The following MAGI1 variants were observed in gnomAD, a reference collection of about 807,000 sequenced individuals.
The protein encoded by MAGI1 is membrane-associated guanylate kinase, WW and PDZ domain-containing protein 1.
In MAGI1, 58 loss-of-function variants were observed where a neutral mutation model predicts 139.9. The ratio of observed to expected loss-of-function variants is 0.41; its 90% CI spans 0.34 to 0.52. The LOEUF (loss-of-function observed/expected upper bound fraction) is 0.52. Among genes scored for constraint, MAGI1 ranks in the 20% least tolerant of loss-of-function variants. The probability of loss-of-function intolerance (pLI) is 0.12; values close to 1 mark genes in which losing one functional copy is unlikely to be tolerated. For missense variants in MAGI1, 1,874 were observed against 1,901.6 expected (o/e 0.99, Z 0.27); for synonymous variants, 812 against 737.9 (o/e 1.10, Z -1.63).
intron 5 of MAGI1, among the ~76,000 whole-genome samples, chr3:65,462,685 T>C (rs149450490): frequency 1.3e-5 from 2 of 152,204 alleles, no homozygotes; most frequent in African/African-American, 4.8e-5. Context: ...GGGGATAGCA[T>C]TGAATCTATA....
At chr3:65,912,186 G>A (rs1360004312) in intron 1 of MAGI1, among the ~76,000 whole-genome samples, 20 of 137,300 alleles carry the variant, frequency 1.5e-4, no homozygotes, top group Admixed American at 1.4e-3. Context: ...AAGTTTAAAT[G>A]AAACAATGCA....
chr3:65,415,311 A>C (rs2107230507), intron 12 of MAGI1, among the ~76,000 whole-genome samples: 1 of 152,270 alleles, frequency 6.6e-6, no homozygotes, highest in East Asian at 1.9e-4. Context: ...TTTTCTCTTA[A>C]GCTCCATTCA....
intron 1 of MAGI1, among the ~76,000 whole-genome samples, chr3:65,786,219 G>A (rs372886979): frequency 6.7e-6 from 1 of 148,452 alleles, no homozygotes; most frequent in Admixed American, 6.7e-5. Flanking sequence ...TCCTCCCAAA[G>A]TGCTGGGATT....
At chr3:65,389,347 C>G (rs1943709740) in intron 14 of MAGI1, among the ~76,000 whole-genome samples, 1 of 152,148 alleles carries the variant, frequency 6.6e-6, no homozygotes, top group Non-Finnish European at 1.5e-5. Context: ...GGATGTTTTA[C>G]AATTGTCCTG....
chr3:65,707,297 T>G (rs1273693752), intron 1 of MAGI1, among the ~76,000 whole-genome samples: 1 of 152,166 alleles, frequency 6.6e-6, no homozygotes, highest in East Asian at 1.9e-4. Flanking sequence ...TAGAAGCACT[T>G]TGTCAAGAAT....
chr3:65,424,487 C>T (rs1014623725), intron 12 of MAGI1, among the ~76,000 whole-genome samples: 9 of 152,108 alleles, frequency 5.9e-5, no homozygotes, highest in Non-Finnish European at 1.2e-4. Context: ...AATTATTTAG[C>T]GGCCTGACCA....
intron 2 of MAGI1, among the ~76,000 whole-genome samples, chr3:65,592,755 T>C (rs907879709): frequency 2.0e-5 from 3 of 152,212 alleles, no homozygotes; most frequent in African/African-American, 4.8e-5. Flanking sequence ...GCTGCATTTT[T>C]CCATTGTGCT....
At chr3:66,001,085 T>C (rs868302510) in intron 1 of MAGI1, among the ~76,000 whole-genome samples, 1 of 152,162 alleles carries the variant, frequency 6.6e-6, no homozygotes, top group Admixed American at 6.5e-5. Flanking sequence ...GAAAGGTCTT[T>C]AGAAAATAAT....
chr3:65,845,308 G>A (rs77864505), intron 1 of MAGI1, among the ~76,000 whole-genome samples: 1 of 151,942 alleles, frequency 6.6e-6, no homozygotes, highest in African/African-American at 2.4e-5. Context: ...AGCAATCCTT[G>A]GGCACATAGA....
chr3:65,382,863 G>A (rs1943164201), intron 15 of MAGI1, among the ~76,000 whole-genome samples: 1 of 152,176 alleles, frequency 6.6e-6, no homozygotes. Context: ...GAGAATGTAT[G>A]TTAAGAGCCT....
chr3:65,470,268 A>G lies in MAGI1; in HGVS notation c.959+15T>C. The stretch of plus-strand genomic sequence containing the variant: ...AAGAGAGAGAGATTTAGGTAGAAAT[A>G]ATGGTATACTTTACTCTATAAAATA... On this transcript the variant is annotated intron_variant, in intron 5 of 22. Coordinates refer to ENST00000402939, the MANE Select transcript of MAGI1 (RefSeq NM_001033057.2). 1 of 1,546,576 alleles carries G rather than the reference A, an allele frequency of 6.5e-7. No homozygotes were observed. The highest frequency in any genetic ancestry group is 8.9e-7 in the Non-Finnish European group (1 of 1,120,282).
chr3:65,474,062 T>G (rs557778065), intron 4 of MAGI1, among the ~76,000 whole-genome samples: 1 of 152,168 alleles, frequency 6.6e-6, no homozygotes, highest in Non-Finnish European at 1.5e-5. Flanking sequence ...GCCCAGGAGT[T>G]AGACACCAGT....
chr3:65,779,617 C>CA (rs1474667374), intron 1 of MAGI1, among the ~76,000 whole-genome samples: 2 of 152,224 alleles, frequency 1.3e-5, no homozygotes, highest in African/African-American at 4.8e-5. Flanking sequence ...GCCTCTGCCC[C>CA]TTCCCAGAAA....
chr3:65,554,694 G>T (rs1052796150), intron 2 of MAGI1, among the ~76,000 whole-genome samples: 3 of 152,072 alleles, frequency 2.0e-5, no homozygotes, highest in African/African-American at 2.4e-5. Context: ...CCCACCAAAG[G>T]TCCCACTTCC....
intron 1 of MAGI1, among the ~76,000 whole-genome samples, chr3:65,986,801 G>A (rs773457564): frequency 6.6e-6 from 1 of 151,938 alleles, no homozygotes; most frequent in Non-Finnish European, 1.5e-5. Context: ...CTGGTACTTT[G>A]AGAATAATGT....
At chr3:65,548,511 CTTTTTTTTTTTTTT>C (rs1170215972) in intron 2 of MAGI1, among the ~76,000 whole-genome samples, 2,335 of 87,406 alleles carry the variant, frequency 0.027, 91 homozygotes, top group African/African-American at 0.1. Context: ...AAACAACACT[CTTTTTTTTTTTTTT>C]TTTTTTTTTT....
chr3:65,852,237 G>A (rs1046848729), intron 1 of MAGI1, among the ~76,000 whole-genome samples: 1 of 152,172 alleles, frequency 6.6e-6, no homozygotes, highest in Non-Finnish European at 1.5e-5. Flanking sequence ...TCTTCCACAA[G>A]GTAACAAGGT....
chr3:65,709,623 G>T (rs2031025866), intron 1 of MAGI1, among the ~76,000 whole-genome samples: 1 of 152,190 alleles, frequency 6.6e-6, no homozygotes, highest in African/African-American at 2.4e-5. Flanking sequence ...TGAGCTTCTA[G>T]CAAGACCAGA....
intron 1 of MAGI1, among the ~76,000 whole-genome samples, chr3:65,993,258 A>C (rs1341563813): frequency 6.6e-6 from 1 of 152,116 alleles, no homozygotes; most frequent in Admixed American, 6.6e-5. Context: ...TTTGCTTTAC[A>C]TGGTTTTACC....
Sources: gnomAD v4.1 joint callset for allele counts (sites outside exome capture counted in the v4.1 genomes callset) on GRCh38, gnomAD v4.1.1 for gene constraint, MANE v1.5 for transcripts, NCBI Gene and HGNC (gene_info 2026-07-23, HGNC 2026-07-21) for gene names.